Variants in ENDOV observed in about 807,000 individuals in gnomAD.
ENDOV encodes hEndoV.
Under a neutral mutation model 39.4 loss-of-function variants are expected in ENDOV, and 37 were observed. That is an observed-to-expected ratio of 0.94 (90% confidence interval 0.72 to 1.23). The LOEUF is 1.23. ENDOV is among the 50% of genes most tolerant of loss of function. The pLI is 0.00. For synonymous variants in ENDOV, 186 were observed against 163.4 expected, an observed-to-expected ratio of 1.14 and a Z score of -1.05; for missense variants, 441 against 375.7, an observed-to-expected ratio of 1.17 and a Z score of -1.44.
At chr17:80,421,210 C>A (rs1307299543) in intron 2 of ENDOV, among the ~76,000 whole-genome samples, 1 of 151,742 alleles carries the variant, frequency 6.6e-6, no homozygotes, top group Admixed American at 6.6e-5. Flanking sequence ...GACTAGATTC[C>A]AGGGAATCCT....
rs1273389374 is a variant in ENDOV, at chr17:80,423,544, G to T, written c.428G>T (p.Gly143Val). ...HRGFGVACHL[G>V]VLTDLPCVGV... is the part of the protein sequence containing the mutation. Reference sequence around the variant, plus strand: ...GGCTTTGGGGTGGCCTGCCACCTTGGCGTCCTTACAGACCTGCCGTGTGTT... The same window carrying T: ...GGCTTTGGGGTGGCCTGCCACCTTGTCGTCCTTACAGACCTGCCGTGTGTT... Residue 143 changes from glycine to valine, a missense_variant, in exon 5 of 10, where the codon GGC becomes GTC. Gly to Val is a moderately radical substitution (Grantham distance 109). Transcript: ENST00000518137. 1 of 1,554,090 alleles carries T rather than the reference G, an allele frequency of 6.4e-7. No homozygotes were observed.
At chr17:80,415,896 A>G in intron 2 of ENDOV, 75 bp downstream of exon 2, 18 of 1,504,752 alleles carry the variant, frequency 1.2e-5, no homozygotes, top group Non-Finnish European at 1.6e-5. Context: ...GACAGGGAGC[A>G]GTGCAAGCGT....
At position 80,437,087 on chromosome 17, in the gene ENDOV, C is replaced by T. The variant is rs1445545529; in HGVS notation, c.*944C>T. 2.0e-5 allele frequency: 3 copies of T among 152,720 alleles called. No homozygotes were observed. The highest frequency in any genetic ancestry group is 7.2e-5 in the African/African-American group (3 of 41,436). 9.5% of individuals were successfully genotyped at this position (152,720 alleles called of 1,614,324 possible). A position where few individuals can be genotyped will look rare whatever the true frequency, so the allele number is the denominator to read the frequency against. On this transcript the variant is annotated 3_prime_UTR_variant, in exon 10 of 10. Transcript: ENST00000518137. ...GAGAACGTCCCTGCCTTCACTCCTG[C>T]TTTTAGTCACTGGCATCTTCTTTTA...
At chr17:80,431,571 G>T (rs1439653816) in intron 9 of ENDOV, among the ~76,000 whole-genome samples, 2 of 152,236 alleles carry the variant, frequency 1.3e-5, no homozygotes, top group Admixed American at 6.5e-5. Flanking sequence ...ACGCTGGCCG[G>T]AACCAGATGA....
chr17:80,421,532 TGGGGGTGCTGTTGCTACAGACCAGGTCCC>T (rs1319872771), intron 2 of ENDOV, among the ~76,000 whole-genome samples: 1 of 38,542 alleles, frequency 2.6e-5, no homozygotes, highest in Non-Finnish European at 5.0e-5. Context: ...GGGGGCGGGG[TGGGGGTGCTGTTGCTACAGACCAGGTCCC>T]GGGGGAGCTG....
intron 5 of ENDOV, 118 bp from the exon 6 acceptor site, chr17:80,424,914 C>T (rs937218616): frequency 2.5e-6 from 2 of 801,006 alleles, no homozygotes; most frequent in South Asian, 1.7e-5. Context: ...GAGATCGCGC[C>T]ACTGTACTTC....
chr17:80,427,478 G>A (rs2082849545), intron 7 of ENDOV: 2 of 985,450 alleles, frequency 2.0e-6, no homozygotes, highest in Non-Finnish European at 2.4e-6. Context: ...CCTAGCACCA[G>A]CAAAGAGCCT....
rs147610014 is a variant in ENDOV, at chr17:80,423,269, G to A, written c.404-251G>A. On this transcript the variant is annotated intron_variant, in intron 4 of 9. Coordinates refer to ENST00000518137, the MANE Select transcript of ENDOV (RefSeq NM_173627.5). Reference sequence around the variant, plus strand: ...AGCTGCAGTATCCCAGCACGCCAGCGAGGTGCTGACCCTGGCACTGACCGT... The same window carrying A: ...AGCTGCAGTATCCCAGCACGCCAGCAAGGTGCTGACCCTGGCACTGACCGT... Among the ~76,000 whole-genome samples, 368 of 152,372 alleles carry A rather than the reference G, an allele frequency of 2.4e-3. 4 individuals carry two copies. Among genetic ancestry groups the A allele is most frequent in the Non-Finnish European group, 3.9e-3 (267 of 68,036 alleles).
chr17:80,415,389 C>A, intron 1 of ENDOV, 139 bp downstream of exon 1: 2 of 1,158,154 alleles, frequency 1.7e-6, no homozygotes, highest in Non-Finnish European at 2.4e-6. Context: ...CAGTTTCCGG[C>A]GCGGAAGCGG....
At position 80,437,217 on chromosome 17, in the gene ENDOV, T is replaced by A. The variant is rs1250946325; in HGVS notation, c.*1074T>A. 1 of 152,664 alleles carries A rather than the reference T, an allele frequency of 6.6e-6. No homozygotes were observed. Among genetic ancestry groups the A allele is most frequent in the African/African-American group, 2.4e-5 (1 of 41,456 alleles). The allele number at this position is 152,664 out of a possible 1,614,324, so 9.5% of individuals were successfully genotyped here. A position where few individuals can be genotyped will look rare whatever the true frequency, so the allele number is the denominator to read the frequency against. On this transcript the variant is annotated 3_prime_UTR_variant, in exon 10 of 10. Transcript: ENST00000518137. ...AAGGGGACCAGGAGTGCAGGGCACCTGCTGAGGACTCACCTAAGCCCAAGA... is the reference window on the plus strand; with the variant it reads ...AAGGGGACCAGGAGTGCAGGGCACCAGCTGAGGACTCACCTAAGCCCAAGA...
chr17:80,419,734 TGGTCATGCCCTCC>T lies in ENDOV; in HGVS notation c.229-2092_229-2080del, dbSNP rs1249234931. 4 of 697,128 alleles carry T rather than the reference TGGTCATGCCCTCC, an allele frequency of 5.7e-6. No individual in the cohort carries two copies. The Admixed American group carries it at 6.0e-5, about 10-fold the overall frequency. The allele number at this position is 697,128 out of a possible 1,614,324, so 43.2% of individuals were successfully genotyped here. ...GCTTCTTCACTGGTCAGTGGCCCTC[TGGTCATGCCCTCC>T]GTTCACACAATCCATCTTTCCGTCT... is the stretch of plus-strand genomic sequence containing the variant. On this transcript the variant is annotated intron_variant, in intron 2 of 9. Coordinates refer to ENST00000518137, the MANE Select transcript of ENDOV (RefSeq NM_173627.5).
intron 9 of ENDOV, chr17:80,433,065 T>C: frequency 1.9e-6 from 1 of 518,876 alleles, no homozygotes; most frequent in African/African-American, 1.9e-5. Context: ...TCACTGGCAT[T>C]CCCACAGAAT....
intron 7 of ENDOV, 122 bp from the exon 8 acceptor site, chr17:80,428,474 C>CTGT (rs2083000881): frequency 1.1e-6 from 1 of 931,316 alleles, no homozygotes; most frequent in African/African-American, 1.6e-5. Flanking sequence ...GAAGAACTGG[C>CTGT]TGTGACCTGT....
chr17:80,421,730 G>T, intron 2 of ENDOV, 98 bp from the exon 3 acceptor site: 1 of 1,468,424 alleles, frequency 6.8e-7, no homozygotes. Flanking sequence ...GTGACGTAAG[G>T]GAGAGGGAAG....
rs751231316 is a variant in ENDOV, at chr17:80,415,717, T to C, written c.124T>C (p.Phe42Leu). 1.2e-6 allele frequency: 2 copies of C among 1,610,186 alleles called. No homozygotes were observed. The highest frequency in any genetic ancestry group is 1.7e-6 in the Non-Finnish European group (2 of 1,178,386). ...CGAGGCGTGGCAGCGAGACCCCGCC[T>C]TCTCGGGTCTGCAGAGGGTCGGGGG... ...DTEAWQRDPA[F>L]SGLQRVGGVD... Residue 42 changes from phenylalanine (F) to leucine (L), a missense_variant, in exon 2 of 10, where the codon TTC becomes CTC. Physicochemically the swap from Phe to Leu is conservative, Grantham distance 22 (BLOSUM62 0). Transcript: ENST00000518137.
Position 80,432,776 on chromosome 17 carries a change from TG to T in ENDOV, c.838+2950del, listed in dbSNP as rs1160564811. Among the ~76,000 whole-genome samples, 12 of 151,856 alleles carry T rather than the reference TG, an allele frequency of 7.9e-5. No individual in the cohort carries two copies. The East Asian group carries it at 2.1e-3, about 27-fold the overall frequency. Reference sequence around the variant, plus strand: ...TGGGAGATGGAGTCATGGGGGCGTGTGGGGGTCTAGGCAGGGGAGCTGCTGA... The same window carrying T: ...TGGGAGATGGAGTCATGGGGGCGTGTGGGGTCTAGGCAGGGGAGCTGCTGA... On this transcript the variant is annotated intron_variant, in intron 9 of 9. Transcript: ENST00000518137.
intron 3 of ENDOV, 101 bp downstream of exon 3, chr17:80,422,063 C>A: frequency 1.3e-6 from 2 of 1,557,846 alleles, no homozygotes; most frequent in South Asian, 1.2e-5. Flanking sequence ...GGGAGAGACT[C>A]ATGAGCTTCC....
At chr17:80,427,130 C>T (rs967491671) in intron 7 of ENDOV, among the ~76,000 whole-genome samples, 1 of 152,264 alleles carries the variant, frequency 6.6e-6, no homozygotes, top group African/African-American at 2.4e-5. Flanking sequence ...CGTCTGAGAG[C>T]GGGCTCCACA....
At chr17:80,415,848 G>C in intron 2 of ENDOV, 27 bp downstream of exon 2, 1 of 1,571,450 alleles carries the variant, frequency 6.4e-7, no homozygotes, top group Non-Finnish European at 8.6e-7. Context: ...CCGAGCTCGA[G>C]GCGGGCCCCT....
Sources: allele counts gnomAD v4.1 joint callset (sites outside exome capture counted in the v4.1 genomes callset), GRCh38; gene constraint gnomAD v4.1.1; transcripts MANE v1.5; gene names NCBI Gene and HGNC (gene_info 2026-07-23, HGNC 2026-07-21).